Variants in CAPN13 observed in about 807,000 individuals in gnomAD.
CAPN13 encodes calpain 13.
In CAPN13, 90 loss-of-function variants were observed where a neutral mutation model predicts 98.4. The ratio of observed to expected loss-of-function variants is 0.92; its 90% CI spans 0.77 to 1.09. The LOEUF (loss-of-function observed/expected upper bound fraction) is 1.09, where lower values mean the gene tolerates loss of function less well. CAPN13 is among the 50% of genes least tolerant of loss of function. CAPN13 has a pLI of 0.00. For synonymous variants in CAPN13, 330 were observed against 305.5 expected (o/e 1.08, Z -0.84); for missense variants, 887 against 841.3 (o/e 1.05, Z -0.67).
intron 20 of CAPN13, among the ~76,000 whole-genome samples, chr2:30,731,723 G>A (rs1671105218): frequency 6.6e-6 from 1 of 152,306 alleles, no homozygotes; most frequent in Middle Eastern, 3.4e-3. Context: ...CATTCTTTCA[G>A]TGATACAATT....
At chr2:30,735,075 C>T (rs1671291100) in intron 18 of CAPN13, among the ~76,000 whole-genome samples, 1 of 152,158 alleles carries the variant, frequency 6.6e-6, no homozygotes, top group Non-Finnish European at 1.5e-5. Context: ...ATATTGAAAG[C>T]AGGTTAGAAT....
chr2:30,730,338 G>A (rs866102995), intron 22 of CAPN13, among the ~76,000 whole-genome samples: 4 of 152,164 alleles, frequency 2.6e-5, no homozygotes, highest in Non-Finnish European at 2.9e-5. Context: ...GTACAGCTGG[G>A]GCTAGAGCCC....
At chr2:30,760,615 C>A (rs1170430576) in intron 7 of CAPN13, among the ~76,000 whole-genome samples, 3 of 152,220 alleles carry the variant, frequency 2.0e-5, no homozygotes, top group Non-Finnish European at 4.4e-5. Context: ...GGAGGATGAG[C>A]AGATTAAAAA....
chr2:30,803,566 C>T (rs905826840), intron 1 of CAPN13, among the ~76,000 whole-genome samples: 2 of 152,206 alleles, frequency 1.3e-5, no homozygotes, highest in Non-Finnish European at 2.9e-5. Context: ...CTTACTTGGC[C>T]GAAGTGAGGA....
At chr2:30,792,692 C>T (rs1260464233) in intron 1 of CAPN13, among the ~76,000 whole-genome samples, 1 of 151,818 alleles carries the variant, frequency 6.6e-6, no homozygotes, top group African/African-American at 2.4e-5. Context: ...AAGGGAAATA[C>T]GGCTGAACTT....
At chr2:30,794,850 AAAG>A (rs1229311515) in intron 1 of CAPN13, among the ~76,000 whole-genome samples, 8 of 151,990 alleles carry the variant, frequency 5.3e-5, no homozygotes, top group African/African-American at 1.9e-4. Context: ...ACCATGACAG[AAAG>A]AAGTTCAGTG....
At chr2:30,736,160 C>T (rs1431547644) in intron 18 of CAPN13, among the ~76,000 whole-genome samples, 1 of 138,648 alleles carries the variant, frequency 7.2e-6, no homozygotes, top group African/African-American at 2.7e-5. Flanking sequence ...TCGACAGATC[C>T]TCTGGCAGGT....
At chr2:30,785,596 C>G (rs1204312736) in intron 2 of CAPN13, among the ~76,000 whole-genome samples, 1 of 152,140 alleles carries the variant, frequency 6.6e-6, no homozygotes, top group Non-Finnish European at 1.5e-5. Context: ...TTCTGTTGGC[C>G]TCAGTTTCTC....
rs751660208 is a variant in CAPN13, at chr2:30,787,150, T to A, written c.176A>T (p.Asn59Ile). The A allele has an allele frequency of 6.4e-7, 1 of 1,573,684 alleles. No individual in the cohort carries two copies. The highest frequency in any genetic ancestry group is 8.6e-7 in the Non-Finnish European group (1 of 1,159,242). The part of the protein sequence containing the change: ...QKLLQEKRLS[N>I]VIWKRPQDLP... ...CACCTGTGGCCGCTTCCATATCACA[T>A]TGGAGAGGCGTTTTTCCTGGAGCAG... is the stretch of plus-strand genomic sequence containing the variant. Residue 59 changes from asparagine (N) to isoleucine (I), a missense_variant, in exon 2 of 23, where the codon AAT (asparagine) becomes ATT (isoleucine). Transcript: ENST00000295055.
At chr2:30,762,855 C>T (rs562871334) in intron 7 of CAPN13, among the ~76,000 whole-genome samples, 1 of 152,312 alleles carries the variant, frequency 6.6e-6, no homozygotes, top group South Asian at 2.1e-4. Flanking sequence ...AACAGGACAG[C>T]AACATCTCTG....
At position 30,734,563 on chromosome 2, in the gene CAPN13, T is replaced by C. The variant is rs1387033492; in HGVS notation, c.1723-39A>G. The C allele has an allele frequency of 2.6e-6, 4 of 1,515,562 alleles. No individual in the cohort carries two copies. The African/African-American group carries it at 5.5e-5, about 21-fold the overall frequency. 93.9% of individuals were successfully genotyped at this position (1,515,562 alleles called of 1,614,324 possible). ...AGAAGCAAGAAGTCTGTGTGAAGAC[T>C]GGGAAGGTCTGGATACTCCTTTTCC... On this transcript the variant is annotated intron_variant, in intron 18 of 22. Transcript: ENST00000295055.
intron 1 of CAPN13, among the ~76,000 whole-genome samples, chr2:30,787,954 C>G (rs1674398571): frequency 6.6e-6 from 1 of 152,044 alleles, no homozygotes; most frequent in South Asian, 2.1e-4. Context: ...TGGGCAGGGA[C>G]TGGAAGCAGG....
chr2:30,759,102 C>G (rs1475285915), intron 7 of CAPN13, among the ~76,000 whole-genome samples: 1 of 119,642 alleles, frequency 8.4e-6, no homozygotes, highest in African/African-American at 3.2e-5. Flanking sequence ...TCCCTTCATC[C>G]CTCCCTCCCT....
intron 15 of CAPN13, among the ~76,000 whole-genome samples, chr2:30,740,086 T>TG (rs1671575835): frequency 3.8e-5 from 1 of 26,086 alleles, no homozygotes; most frequent in Admixed American, 7.7e-4. Context: ...TATTAGGTTT[T>TG]TTTTTTTTTT....
At chr2:30,752,648 GT>G (rs1672232674) in intron 10 of CAPN13, among the ~76,000 whole-genome samples, 1 of 152,174 alleles carries the variant, frequency 6.6e-6, no homozygotes, top group East Asian at 1.9e-4. Flanking sequence ...GACCAATTAT[GT>G]TTCCAGCATC....
intron 7 of CAPN13, among the ~76,000 whole-genome samples, chr2:30,762,187 C>T (rs1206160262): frequency 6.6e-6 from 1 of 152,170 alleles, no homozygotes; most frequent in Non-Finnish European, 1.5e-5. Context: ...TATCTAACCT[C>T]GTGAAAGACA....
intron 12 of CAPN13, chr2:30,745,152 C>CAG (rs1671844011): frequency 4.3e-6 from 2 of 469,628 alleles, no homozygotes; most frequent in Non-Finnish European, 8.9e-6. Flanking sequence ...CAGCCATGGG[C>CAG]AGAGAGGTGG....
intron 19 of CAPN13, 80 bp downstream of exon 19, chr2:30,734,369 G>C: frequency 1.8e-6 from 2 of 1,092,026 alleles, no homozygotes; most frequent in Non-Finnish European, 2.8e-6. Context: ...GCACTGTTGT[G>C]CCAGCCTTGC....
Position 30,794,422 on chromosome 2 carries a change from A to C in CAPN13, c.-32-7065T>G, listed in dbSNP as rs565571123. 9.9e-4 allele frequency among the ~76,000 whole-genome samples: 150 copies of C among 152,008 alleles called. 1 individual carries two copies. The highest frequency in any genetic ancestry group is 3.6e-3 in the African/African-American group (150 of 41,550). Reference sequence around the variant, plus strand: ...CACACTGTTTATGGGGAGATAGAAAACTGGAACTTTCATACACTCTCAGTA... The same window carrying C: ...CACACTGTTTATGGGGAGATAGAAACCTGGAACTTTCATACACTCTCAGTA... On this transcript the variant is annotated intron_variant, in intron 1 of 22. Transcript: ENST00000295055.
Sources: allele counts gnomAD v4.1 joint callset (sites outside exome capture counted in the v4.1 genomes callset), GRCh38; gene constraint gnomAD v4.1.1; transcripts MANE v1.5; gene names NCBI Gene and HGNC (gene_info 2026-07-23, HGNC 2026-07-21).